The following SOBP variants were observed in gnomAD, a reference collection of about 807,000 sequenced individuals.
SOBP encodes the protein sine oculis-binding protein homolog.
A neutral mutation model predicts 53.6 loss-of-function variants in SOBP; 4 were observed. That is an observed-to-expected ratio of 0.07 (90% CI 0.04 to 0.17). The LOEUF (loss-of-function observed/expected upper bound fraction) is 0.17, where lower values mean the gene tolerates loss of function less well. Ranked by LOEUF, SOBP falls within the 10% of genes least tolerant of loss-of-function variation. The probability of loss-of-function intolerance (pLI) is 1.00; values close to 1 mark genes in which losing one functional copy is unlikely to be tolerated. For missense variants in SOBP, 1,088 were observed against 1,204.7 expected, an observed-to-expected ratio of 0.90 and a Z score of 1.43; for synonymous variants, 584 against 522.6, an observed-to-expected ratio of 1.12 and a Z score of -1.60.
At chr6:107,539,212 G>A (rs1318570574) in intron 4 of SOBP, among the ~76,000 whole-genome samples, 1 of 152,206 alleles carries the variant, frequency 6.6e-6, no homozygotes, top group Admixed American at 6.5e-5. Context: ...TTGTGAGACT[G>A]TGAAGGAAAC....
intron 1 of SOBP, among the ~76,000 whole-genome samples, chr6:107,500,379 A>T (rs1341623930): frequency 1.5e-5 from 2 of 131,244 alleles, no homozygotes; most frequent in African/African-American, 6.2e-5. Context: ...GACCCTGTCT[A>T]AAAAAAAAAA....
At chr6:107,570,343 A>G (rs1288625322) in intron 4 of SOBP, among the ~76,000 whole-genome samples, 1 of 152,206 alleles carries the variant, frequency 6.6e-6, no homozygotes, top group African/African-American at 2.4e-5. Context: ...CTTTGAATCT[A>G]TCTTAATCTC....
intron 5 of SOBP, among the ~76,000 whole-genome samples, chr6:107,591,691 C>T (rs375269718): frequency 1.3e-5 from 2 of 152,328 alleles, no homozygotes; most frequent in East Asian, 3.9e-4. Flanking sequence ...ATAACTGACA[C>T]TATCCTATCG....
intron 5 of SOBP, among the ~76,000 whole-genome samples, chr6:107,608,540 A>G (rs1786474655): frequency 6.6e-6 from 1 of 152,224 alleles, no homozygotes; most frequent in South Asian, 2.1e-4. Flanking sequence ...CTGACATAGG[A>G]TGGTAAGTTT....
chr6:107,576,782 C>T (rs758416877), intron 4 of SOBP, among the ~76,000 whole-genome samples: 2 of 152,132 alleles, frequency 1.3e-5, no homozygotes, highest in African/African-American at 2.4e-5. Flanking sequence ...AGCATATGGA[C>T]GGGCCAGAAC....
intron 3 of SOBP, among the ~76,000 whole-genome samples, chr6:107,508,412 C>G (rs1783057866): frequency 6.6e-6 from 1 of 152,100 alleles, no homozygotes; most frequent in Admixed American, 6.5e-5. Flanking sequence ...AACCCCGTCT[C>G]TACTAAAACT....
At chr6:107,638,314 G>A (rs2115157084) in intron 6 of SOBP, among the ~76,000 whole-genome samples, 1 of 152,338 alleles carries the variant, frequency 6.6e-6, no homozygotes, top group African/African-American at 2.4e-5. Flanking sequence ...GGGTTCAAGT[G>A]ATTCTCCTGC....
intron 6 of SOBP, among the ~76,000 whole-genome samples, chr6:107,642,526 G>T (rs1771375120): frequency 6.6e-6 from 1 of 152,196 alleles, no homozygotes; most frequent in African/African-American, 2.4e-5. Context: ...AAAAATGCTT[G>T]TGCAATTGTA....
chr6:107,494,638 T>TA (rs1490777123), intron 1 of SOBP, among the ~76,000 whole-genome samples: 1 of 152,244 alleles, frequency 6.6e-6, no homozygotes, highest in Non-Finnish European at 1.5e-5. Flanking sequence ...TTAATGCACT[T>TA]ACAATGTTTA....
At chr6:107,493,691 A>C (rs188687550) in intron 1 of SOBP, among the ~76,000 whole-genome samples, 175 of 152,348 alleles carry the variant, frequency 1.1e-3, no homozygotes, top group African/African-American at 3.9e-3. Flanking sequence ...CAGCAAATGC[A>C]GGGCACTGAG....
At chr6:107,519,665 G>A (rs879851316) in intron 3 of SOBP, among the ~76,000 whole-genome samples, 6 of 152,202 alleles carry the variant, frequency 3.9e-5, no homozygotes, top group Non-Finnish European at 8.8e-5. Flanking sequence ...CAGGACAGGA[G>A]AGTTGAATTT....
intron 4 of SOBP, among the ~76,000 whole-genome samples, chr6:107,557,375 G>T (rs1371311137): frequency 6.6e-6 from 1 of 152,220 alleles, no homozygotes; most frequent in Non-Finnish European, 1.5e-5. Flanking sequence ...TGAACTGTAG[G>T]CTTGCTTTGT....
intron 4 of SOBP, among the ~76,000 whole-genome samples, chr6:107,545,994 G>T (rs772410440): frequency 5.3e-5 from 8 of 152,144 alleles, no homozygotes; most frequent in Non-Finnish European, 8.8e-5. Context: ...GGACAGTAAA[G>T]CTGGCGTGAT....
rs577912297 is a variant in SOBP, at chr6:107,607,419, C to G, written c.669+20244C>G. On this transcript the variant is annotated intron_variant, in intron 5 of 6. Transcript: ENST00000317357. ...GCTCCCAAGGAACACTGGTGCGCCT[C>G]CAGCTGGCCCCTCGTGCTTTGCTGC... Among the ~76,000 whole-genome samples, 10 of 152,330 alleles carry G rather than the reference C, an allele frequency of 6.6e-5. No homozygotes were observed. In the South Asian group the frequency reaches 2.1e-3, roughly 32 times the overall value.
chr6:107,566,106 A>G (rs1223306007), intron 4 of SOBP, among the ~76,000 whole-genome samples: 2 of 152,256 alleles, frequency 1.3e-5, no homozygotes, highest in African/African-American at 4.8e-5. Flanking sequence ...TATCAAAAAT[A>G]AAATCTACTC....
intron 4 of SOBP, among the ~76,000 whole-genome samples, chr6:107,578,073 CAAAAAAAA>C (rs11362582): frequency 2.3e-5 from 2 of 87,454 alleles, no homozygotes; most frequent in African/African-American, 9.3e-5. Context: ...GACTCTGTCT[CAAAAAAAA>C]AAAAAAAAAA....
chr6:107,588,835 T>C (rs960804684), intron 5 of SOBP, among the ~76,000 whole-genome samples: 1 of 152,220 alleles, frequency 6.6e-6, no homozygotes, highest in African/African-American at 2.4e-5. Flanking sequence ...TTTTGAGCAA[T>C]TTGGTACAAT....
chr6:107,501,342 A>G (rs1200922646), intron 1 of SOBP, among the ~76,000 whole-genome samples: 1 of 152,220 alleles, frequency 6.6e-6, no homozygotes, highest in African/African-American at 2.4e-5. Flanking sequence ...CAGCTGGACT[A>G]AAACAAATCT....
chr6:107,606,268 G>C (rs1431860416), intron 5 of SOBP, among the ~76,000 whole-genome samples: 1 of 151,850 alleles, frequency 6.6e-6, no homozygotes, highest in East Asian at 1.9e-4. Context: ...GTAGAGACAG[G>C]GTTTCACCAT....
Sources: allele counts gnomAD v4.1 joint callset (sites outside exome capture counted in the v4.1 genomes callset), GRCh38; gene constraint gnomAD v4.1.1; transcripts MANE v1.5; gene names NCBI Gene and HGNC (gene_info 2026-07-23, HGNC 2026-07-21).